ROS1: variants seen among roughly 807,000 people sequenced by gnomAD.
ROS1 encodes the protein proto-oncogene tyrosine-protein kinase ROS.
In ROS1, 263 loss-of-function variants were observed where a neutral mutation model predicts 273.5. The observed-to-expected ratio is 0.96, with a 90% CI of 0.87 to 1.06. The LOEUF (loss-of-function observed/expected upper bound fraction) is 1.06, where lower values mean the gene tolerates loss of function less well. ROS1 is among the 50% of genes least tolerant of loss of function. The pLI is 0.00. For missense variants in ROS1, 2,833 were observed against 2,751.1 expected (o/e 1.03, Z -0.67); for synonymous variants, 1,008 against 954.1 (o/e 1.06, Z -1.04).
At chr6:117,423,507 T>C (rs1285524364) in intron 1 of ROS1, among the ~76,000 whole-genome samples, 1 of 152,218 alleles carries the variant, frequency 6.6e-6, no homozygotes, top group Non-Finnish European at 1.5e-5. Context: ...TAATTGTTTG[T>C]TGTTTTCTGC....
At chr6:117,357,012 AG>A in intron 25 of ROS1, 97 bp from the exon 26 acceptor site, 1 of 1,040,776 alleles carries the variant, frequency 9.6e-7, no homozygotes, top group Non-Finnish European at 1.4e-6. Context: ...AATGACTGTG[AG>A]GGACAAATGG....
intron 37 of ROS1, 86 bp from the exon 38 acceptor site, chr6:117,318,338 CTGTAA>C: frequency 1.1e-6 from 1 of 942,222 alleles, no homozygotes; most frequent in Non-Finnish European, 1.7e-6. Flanking sequence ...TCTGTTTGTT[CTGTAA>C]TATCTACCCT....
intron 32 of ROS1, among the ~76,000 whole-genome samples, chr6:117,331,959 T>A (rs993456533): frequency 4.6e-5 from 7 of 152,080 alleles, no homozygotes; most frequent in African/African-American, 1.4e-4. Context: ...CCAAATAGCA[T>A]CATGGTGACA....
intron 24 of ROS1, 111 bp from the exon 25 acceptor site, chr6:117,358,120 C>T (rs1779484119): frequency 1.5e-6 from 1 of 689,416 alleles, no homozygotes; most frequent in Non-Finnish European, 2.4e-6. Context: ...ATTTGTAATC[C>T]CAAACCTCAG....
rs1779368407 is a variant in ROS1 at position 117,356,925 on chromosome 6, A to G, written c.3840-10T>C. ...TGTCCAATACAAGCGACTATAGAGGAAAAAAAAGTCCCCCCAACTTAATGA... is the reference window on the plus strand; with the variant it reads ...TGTCCAATACAAGCGACTATAGAGGGAAAAAAAGTCCCCCCAACTTAATGA... On this transcript the variant is annotated splice_polypyrimidine_tract_variant and intron_variant, in intron 25 of 43. Coordinates refer to ENST00000368507, the MANE Select transcript of ROS1 (RefSeq NM_001378902.1). 1.9e-6 allele frequency: 3 copies of G among 1,576,100 alleles called. No individual in the cohort carries two copies. Among genetic ancestry groups the G allele is most frequent in the Admixed American group, 3.7e-5 (2 of 54,286 alleles).
At position 117,379,048 on chromosome 6, in the gene ROS1, A is replaced by G. The variant is rs746525260; in HGVS notation, c.2582+11T>C. The G allele has an allele frequency of 5.9e-6, 9 of 1,535,990 alleles. No homozygotes were observed. Among genetic ancestry groups the G allele is most frequent in the East Asian group, 2.2e-5 (1 of 44,452 alleles). On this transcript the variant is annotated intron_variant, in intron 18 of 43. Transcript: ENST00000368507. ...CTTCTCAATCAATTGCCTTTGAGGG[A>G]CTCTACTTACCTCTGTCCCCGAAGA...
In ROS1 at chr6:117,387,794, G is replaced by C; in HGVS notation, c.1985C>G (p.Thr662Ser). ...CATTTTCTCACCTGGCACCAGGGTA[G>C]TACCCACTGAGGGCTCTGACCAGGG... Reference protein sequence around the residue: ...PGPWSEPSVGTTLVPASEPPF... With the variant: ...PGPWSEPSVGSTLVPASEPPF... The change falls in exon 14 of 44, where the codon ACT becomes AGT. Residue 662 changes from threonine to serine, a missense_variant. By Grantham distance (58) the Thr-to-Ser change is moderately conservative. Coordinates refer to ENST00000368507, the MANE Select transcript of ROS1 (RefSeq NM_001378902.1). 1 of 1,614,094 alleles carries C rather than the reference G, an allele frequency of 6.2e-7. No homozygotes were observed. Among genetic ancestry groups the C allele is most frequent in the Non-Finnish European group, 8.5e-7 (1 of 1,179,976 alleles).
chr6:117,415,162 G>C (rs1490573563), intron 3 of ROS1, among the ~76,000 whole-genome samples: 1 of 152,200 alleles, frequency 6.6e-6, no homozygotes, highest in African/African-American at 2.4e-5. Context: ...ATTTGTTTGA[G>C]TTGCAATTTC....
chr6:117,418,242 A>G (rs1419859757), intron 2 of ROS1, among the ~76,000 whole-genome samples: 1 of 152,216 alleles, frequency 6.6e-6, no homozygotes, highest in East Asian at 1.9e-4. Context: ...AATTACATAG[A>G]GACAAAATCA....
In ROS1 at chr6:117,353,154, AC is replaced by A. The variant is rs780565050; in HGVS notation, c.4138del (p.Val1380LeufsTer3). The A allele has an allele frequency of 1.9e-6, 3 of 1,606,750 alleles. No individual in the cohort carries two copies. In the African/African-American group the frequency reaches 4.0e-5, roughly 21 times the overall value. On this transcript the variant is annotated frameshift_variant, in exon 27 of 44. Transcript: ENST00000368507. LOFTEE classifies it high-confidence loss of function. ...TVPAMLGKTL[V>X]SLTVDGDLIY... Reference sequence around the variant, plus strand: ...AAGATCTCCATCCACAGTTAAGCTAACAAGGGTTTTTCCTGCTGTTAAAAAC... The same window carrying A: ...AAGATCTCCATCCACAGTTAAGCTAAAAGGGTTTTTCCTGCTGTTAAAAAC...
chr6:117,289,267 G>T (rs76694968), intron 43 of ROS1, among the ~76,000 whole-genome samples: 1,914 of 152,182 alleles, frequency 0.013, 47 homozygotes, highest in African/African-American at 0.044. Context: ...TAGTAATTTT[G>T]CTAAATTAAT....
chr6:117,421,025 C>T (rs1175089579), intron 1 of ROS1, among the ~76,000 whole-genome samples: 2 of 148,346 alleles, frequency 1.3e-5, no homozygotes, highest in African/African-American at 5.0e-5. Context: ...TAGAAGTTTA[C>T]CTGTACCTTT....
chr6:117,344,889 A>C (rs1008536011), intron 27 of ROS1, among the ~76,000 whole-genome samples: 3 of 152,224 alleles, frequency 2.0e-5, no homozygotes, highest in Non-Finnish European at 2.9e-5. Flanking sequence ...GTTCTAGACC[A>C]GTGCAGTAGC....
At position 117,310,139 on chromosome 6, in the gene ROS1, G is replaced by A. The variant is rs138376257; in HGVS notation, c.6358C>T (p.Arg2120Trp). The change falls in exon 41 of 44, where the codon CGG becomes TGG. Residue 2120 changes from arginine to tryptophan, a missense_variant. Arg to Trp is a moderately radical substitution (Grantham distance 101). Coordinates refer to ENST00000368507, the MANE Select transcript of ROS1 (RefSeq NM_001378902.1). Reference protein sequence around the residue: ...RKRGEGLLPVRWMAPESLMDG... With the variant: ...RKRGEGLLPVWWMAPESLMDG... ...ATCAAACTTTCTGGAGCCATCCACC[G>A]AACTGGGAGCAGGCCTTCCCCTCTC... 205 of 1,613,374 alleles carry A rather than the reference G, an allele frequency of 1.3e-4. No individual in the cohort carries two copies. The highest frequency in any genetic ancestry group is 1.8e-4 in the Admixed American group (11 of 59,904).
chr6:117,328,508 A>G (rs1248794338), intron 33 of ROS1: 2 of 364,526 alleles, frequency 5.5e-6, no homozygotes, highest in African/African-American at 4.0e-5. Context: ...GGCCAAGGGA[A>G]TTCTCTAGTA....
chr6:117,401,272 T>C (rs1353904124), intron 7 of ROS1, among the ~76,000 whole-genome samples: 1 of 152,046 alleles, frequency 6.6e-6, no homozygotes, highest in Non-Finnish European at 1.5e-5. Context: ...CCCAGTCTAT[T>C]CTCCATGCAT....
chr6:117,359,061 G>C (rs1261073527), intron 24 of ROS1, among the ~76,000 whole-genome samples: 1 of 152,064 alleles, frequency 6.6e-6, no homozygotes, highest in African/African-American at 2.4e-5. Flanking sequence ...CACCTCTCCA[G>C]ATTTCCCACC....
At chr6:117,424,106 G>T (rs889811702) in intron 1 of ROS1, among the ~76,000 whole-genome samples, 4 of 152,052 alleles carry the variant, frequency 2.6e-5, no homozygotes, top group Non-Finnish European at 5.9e-5. Flanking sequence ...AAAATAAAAT[G>T]GAGACTGCAA....
chr6:117,382,243 G>A (rs1709677650), intron 17 of ROS1, among the ~76,000 whole-genome samples: 1 of 152,012 alleles, frequency 6.6e-6, no homozygotes, highest in African/African-American at 2.4e-5. Flanking sequence ...TTTGGATATG[G>A]TACATAAATT....
Sources: gnomAD v4.1 joint callset for allele counts (sites outside exome capture counted in the v4.1 genomes callset) on GRCh38, gnomAD v4.1.1 for gene constraint, MANE v1.5 for transcripts, NCBI Gene and HGNC (gene_info 2026-07-23, HGNC 2026-07-21) for gene names.